The following RSAD2 variants were observed in gnomAD, a reference collection of about 807,000 sequenced individuals.
RSAD2 encodes the protein S-adenosylmethionine-dependent nucleotide dehydratase RSAD2.
A neutral mutation model predicts 37.7 loss-of-function variants in RSAD2; 38 were observed. That is an observed-to-expected ratio of 1.01 (90% confidence interval 0.78 to 1.32). The LOEUF is 1.32. Ranked by LOEUF, RSAD2 falls within the 40% of genes most tolerant of loss-of-function variation. The pLI is 0.00. For synonymous variants in RSAD2, 163 were observed against 157.4 expected, an observed-to-expected ratio of 1.04 and a Z score of -0.27; for missense variants, 428 against 437.5, an observed-to-expected ratio of 0.98 and a Z score of 0.19.
chr2:6,882,643 G>A (rs1291632911), intron 1 of RSAD2, among the ~76,000 whole-genome samples: 1 of 152,192 alleles, frequency 6.6e-6, no homozygotes, highest in Non-Finnish European at 1.5e-5. Flanking sequence ...TATGATTTGA[G>A]ATTGAGGCCT....
At chr2:6,887,669 A>G (rs911461240) in intron 3 of RSAD2, among the ~76,000 whole-genome samples, 8 of 152,198 alleles carry the variant, frequency 5.3e-5, no homozygotes, top group Non-Finnish European at 7.4e-5. Context: ...CTAAAAGCCA[A>G]CTCCACATAT....
At chr2:6,868,211 CAG>C (rs888460198) in intron 1 of RSAD2, among the ~76,000 whole-genome samples, 1 of 151,742 alleles carries the variant, frequency 6.6e-6, no homozygotes, top group African/African-American at 2.4e-5. Flanking sequence ...AAAAAAGAAA[CAG>C]AATGGGAGAA....
intron 4 of RSAD2, among the ~76,000 whole-genome samples, chr2:6,892,226 T>C (rs1289332783): frequency 6.6e-6 from 1 of 152,208 alleles, no homozygotes; most frequent in African/African-American, 2.4e-5. Context: ...TCATTCCTTA[T>C]GCTTTAGACT....
At chr2:6,867,783 T>C (rs183188737) in intron 1 of RSAD2, among the ~76,000 whole-genome samples, 1 of 152,360 alleles carries the variant, frequency 6.6e-6, no homozygotes, top group African/African-American at 2.4e-5. Context: ...TGAAGCATCT[T>C]ACCTTTTTTA....
chr2:6,890,107 G>T, intron 3 of RSAD2, 69 bp from the exon 4 acceptor site: 1 of 1,467,838 alleles, frequency 6.8e-7, no homozygotes, highest in Non-Finnish European at 9.4e-7. Flanking sequence ...CTTGAAAAGG[G>T]GGAGTGAGGT....
intron 3 of RSAD2, among the ~76,000 whole-genome samples, chr2:6,889,287 T>C (rs779409325): frequency 3.3e-5 from 5 of 152,202 alleles, no homozygotes; most frequent in Non-Finnish European, 7.3e-5. Flanking sequence ...GCTCACAGTC[T>C]ATTAAGGAAG....
In RSAD2 at chr2:6,895,879, G is replaced by T. The variant is rs1663764857; in HGVS notation, c.1023G>T (p.Lys341Asn). ...EAIKFSGFDE[K>N]MFLKRGGKYI... ...TAAAATTCAGTGGATTTGATGAAAA[G>T]ATGTTTCTGAAGCGAGGAGGAAAAT... is the stretch of plus-strand genomic sequence containing the variant. The change falls in exon 6 of 6, where the codon AAG becomes AAT. Residue 341 changes from lysine to asparagine, a missense_variant. Physicochemically the swap from Lys to Asn is moderately conservative, Grantham distance 94. Transcript: ENST00000382040. 2.5e-6 allele frequency: 4 copies of T among 1,614,064 alleles called. No individual in the cohort carries two copies. Among genetic ancestry groups the T allele is most frequent in the Admixed American group, 1.7e-5 (1 of 60,000 alleles).
chr2:6,887,108 A>G lies in RSAD2; in HGVS notation c.682A>G (p.Asn228Asp). ...FKINSVINRF[N>D]VEEDMTEQIK... ...GATAAATTCTGTCATTAATCGTTTC[A>G]ACGTGGAAGAGGACATGACGGAACA... is the stretch of plus-strand genomic sequence containing the variant. The change falls in exon 3 of 6, where the codon AAC (asparagine) becomes GAC (aspartate). Residue 228 changes from asparagine to aspartate, a missense_variant. Coordinates refer to ENST00000382040, the MANE Select transcript of RSAD2 (RefSeq NM_080657.5). The G allele has an allele frequency of 6.2e-7, 1 of 1,614,172 alleles. No individual in the cohort carries two copies. Among genetic ancestry groups the G allele is most frequent in the Non-Finnish European group, 8.5e-7 (1 of 1,180,010 alleles).
chr2:6,887,095 C>A lies in RSAD2; in HGVS notation c.669C>A (p.Val223=). ...GAGTCGCTTTCAAGATAAATTCTGTCATTAATCGTTTCAACGTGGAAGAGG... is the reference window on the plus strand; with the variant it reads ...GAGTCGCTTTCAAGATAAATTCTGTAATTAATCGTTTCAACGTGGAAGAGG... ...DYRVAFKINS[V]INRFNVEEDM... The change falls in exon 3 of 6, where the codon GTC becomes GTA. Residue 223 remains valine, a synonymous_variant. Coordinates refer to ENST00000382040, the MANE Select transcript of RSAD2 (RefSeq NM_080657.5). The A allele has an allele frequency of 1.2e-6, 2 of 1,603,724 alleles. No individual in the cohort carries two copies. Among genetic ancestry groups the A allele is most frequent in the South Asian group, 2.2e-5 (2 of 90,920 alleles).
intron 4 of RSAD2, 77 bp downstream of exon 4, chr2:6,890,402 G>A (rs1414133217): frequency 1.4e-6 from 2 of 1,477,754 alleles, no homozygotes; most frequent in Non-Finnish European, 1.9e-6. Flanking sequence ...TCTCAGCCAA[G>A]GACCCCACAC....
intron 1 of RSAD2, chr2:6,879,081 G>A (rs1399257260): frequency 4.4e-6 from 2 of 455,934 alleles, no homozygotes; most frequent in African/African-American, 2.0e-5. Flanking sequence ...GATTCATTTT[G>A]CCTGATCCTG....
chr2:6,893,445 G>A (rs1384757689), intron 4 of RSAD2, among the ~76,000 whole-genome samples: 1 of 152,208 alleles, frequency 6.6e-6, no homozygotes, highest in Non-Finnish European at 1.5e-5. Flanking sequence ...TCTGATGTGT[G>A]ACCTTTTCAG....
At chr2:6,893,184 T>C (rs1663665356) in intron 4 of RSAD2, among the ~76,000 whole-genome samples, 2 of 152,210 alleles carry the variant, frequency 1.3e-5, no homozygotes, top group Admixed American at 1.3e-4. Context: ...TCTATATACC[T>C]ATAGAAGTCA....
chr2:6,879,443 C>G (rs1019598036), intron 1 of RSAD2, among the ~76,000 whole-genome samples: 8 of 152,270 alleles, frequency 5.3e-5, no homozygotes, highest in Admixed American at 5.2e-4. Flanking sequence ...GCTGTAGACA[C>G]AGCCTGTCAC....
chr2:6,888,824 A>T (rs1422532163), intron 3 of RSAD2, among the ~76,000 whole-genome samples: 1 of 152,114 alleles, frequency 6.6e-6, no homozygotes, highest in Non-Finnish European at 1.5e-5. Flanking sequence ...TCTTAGTCCA[A>T]TCTTACATTG....
intron 4 of RSAD2, among the ~76,000 whole-genome samples, chr2:6,890,626 G>A (rs1663611719): frequency 6.6e-6 from 1 of 152,150 alleles, no homozygotes; most frequent in South Asian, 2.1e-4. Flanking sequence ...ATTCATATAA[G>A]TATAATGTCC....
intron 2 of RSAD2, among the ~76,000 whole-genome samples, chr2:6,885,086 C>T (rs1663490405): frequency 6.6e-6 from 1 of 152,052 alleles, no homozygotes; most frequent in South Asian, 2.1e-4. Flanking sequence ...CACTCAATAG[C>T]CAGCTATGCT....
chr2:6,892,681 C>A (rs956506121), intron 4 of RSAD2, among the ~76,000 whole-genome samples: 1 of 152,242 alleles, frequency 6.6e-6, no homozygotes, highest in Non-Finnish European at 1.5e-5. Context: ...GGGCAGACCT[C>A]TACTCAGTGG....
At position 6,883,444 on chromosome 2, in the gene RSAD2, G is replaced by A. The variant is rs116498125; in HGVS notation, c.420G>A (p.Val140=). 2,269 of 1,614,192 alleles carry A rather than the reference G, an allele frequency of 1.4e-3. 34 individuals carry two copies. In the African/African-American group the frequency reaches 0.027, roughly 19 times the overall value. The change falls in exon 2 of 6, where the codon GTG becomes GTA. Residue 140 remains valine, a synonymous_variant. Transcript: ENST00000382040. ...QDRGEYLGKL[V]RFCKVELRLP... ...GGGGAGAATACCTGGGCAAGTTGGT[G>A]AGGTTCTGCAAAGTAGAGTTGCGGC...
Sources: allele counts gnomAD v4.1 joint callset (sites outside exome capture counted in the v4.1 genomes callset), GRCh38; gene constraint gnomAD v4.1.1; transcripts MANE v1.5; gene names NCBI Gene and HGNC (gene_info 2026-07-23, HGNC 2026-07-21).